The following GALNT13 variants were observed in gnomAD, a reference collection of about 807,000 sequenced individuals.
The protein encoded by GALNT13 is UDP-GalNAc:polypeptide N-acetylgalactosaminyltransferase 13.
A neutral mutation model predicts 64.2 loss-of-function variants in GALNT13; 28 were observed. That is an observed-to-expected ratio of 0.44 (90% CI 0.32 to 0.60). GALNT13 has a LOEUF of 0.60. Ranked by LOEUF, GALNT13 falls within the 20% of genes least tolerant of loss-of-function variation. GALNT13 has a pLI of 0.05. For missense variants in GALNT13, 577 were observed against 669.8 expected (o/e 0.86, Z 1.53); for synonymous variants, 214 against 224.6 (o/e 0.95, Z 0.42).
At chr2:153,933,939 A>G (rs1304077994) in intron 2 of GALNT13, among the ~76,000 whole-genome samples, 2 of 152,118 alleles carry the variant, frequency 1.3e-5, no homozygotes, top group African/African-American at 2.4e-5. Context: ...CTTTTGGCTT[A>G]TAAGGTTTCT....
chr2:154,437,722 G>C (rs760589836), intron 11 of GALNT13: 1 of 415,366 alleles, frequency 2.4e-6, no homozygotes. Flanking sequence ...CGGCATGGTG[G>C]CGCATGCCTG....
At chr2:153,422,378 C>A in the GALNT13 span, among the ~76,000 whole-genome samples, 1 of 152,088 alleles carries the variant, frequency 6.6e-6, no homozygotes, top group Non-Finnish European at 1.5e-5. Context: ...CAATAGCTAT[C>A]CCATCAGGGG....
At chr2:153,575,559 C>T in the GALNT13 span, among the ~76,000 whole-genome samples, 1 of 152,156 alleles carries the variant, frequency 6.6e-6, no homozygotes, top group East Asian at 1.9e-4. Context: ...TATTGTAGTG[C>T]AGCTGAGTTG....
chr2:153,482,314 A>G, the GALNT13 span, among the ~76,000 whole-genome samples: 1 of 152,230 alleles, frequency 6.6e-6, no homozygotes. Context: ...CAGAATGTTA[A>G]ACAGCATACA....
At chr2:153,848,744 A>G in the GALNT13 span, among the ~76,000 whole-genome samples, 1 of 152,028 alleles carries the variant, frequency 6.6e-6, no homozygotes, top group African/African-American at 2.4e-5. Flanking sequence ...AAATCTTAAT[A>G]TGGAGACAAG....
At chr2:153,202,545 A>G in the GALNT13 span, among the ~76,000 whole-genome samples, 2 of 152,182 alleles carry the variant, frequency 1.3e-5, no homozygotes, top group African/African-American at 2.4e-5. Context: ...CTTACTTCAC[A>G]TTTGAAACCT....
the GALNT13 span, among the ~76,000 whole-genome samples, chr2:153,773,964 G>A: frequency 6.6e-6 from 1 of 152,002 alleles, no homozygotes; most frequent in African/African-American, 2.4e-5. Context: ...CTATATTAAT[G>A]TACACTGATG....
At chr2:153,456,916 G>A in the GALNT13 span, among the ~76,000 whole-genome samples, 1 of 152,218 alleles carries the variant, frequency 6.6e-6, no homozygotes, top group Non-Finnish European at 1.5e-5. Flanking sequence ...CAAAGGATCA[G>A]TTGTAAGGCA....
chr2:153,669,136 G>A, the GALNT13 span, among the ~76,000 whole-genome samples: 110 of 152,254 alleles, frequency 7.2e-4, no homozygotes, highest in African/African-American at 1.3e-3. Context: ...ATGCCTGACC[G>A]TCAGAGAGCT....
At chr2:154,165,375 T>G (rs1434816610) in intron 4 of GALNT13, among the ~76,000 whole-genome samples, 1 of 152,140 alleles carries the variant, frequency 6.6e-6, no homozygotes, top group East Asian at 1.9e-4. Context: ...TTTTCTTGTT[T>G]TCTTCACACA....
chr2:154,153,012 T>C (rs559491548), intron 4 of GALNT13, among the ~76,000 whole-genome samples: 1 of 152,256 alleles, frequency 6.6e-6, no homozygotes, highest in Non-Finnish European at 1.5e-5. Context: ...GCGCTCTGCT[T>C]TTTAGAGTTT....
At chr2:154,388,145 A>G (rs1698604097) in intron 9 of GALNT13, among the ~76,000 whole-genome samples, 1 of 152,066 alleles carries the variant, frequency 6.6e-6, no homozygotes, top group South Asian at 2.1e-4. Context: ...TTGTGGCTTT[A>G]ATTTGCACTT....
the GALNT13 span, among the ~76,000 whole-genome samples, chr2:153,807,055 G>A: frequency 4.7e-4 from 71 of 152,090 alleles, no homozygotes; most frequent in Non-Finnish European, 7.8e-4. Flanking sequence ...CTTTATCTGC[G>A]TGTTGGTTAC....
the GALNT13 span, among the ~76,000 whole-genome samples, chr2:153,337,118 G>A: frequency 3.5e-4 from 53 of 152,162 alleles, no homozygotes; most frequent in African/African-American, 9.9e-4. Flanking sequence ...TATCAGCAGC[G>A]TGAAAAATGG....
the GALNT13 span, among the ~76,000 whole-genome samples, chr2:153,352,133 G>A: frequency 2.7e-3 from 408 of 152,138 alleles, 3 homozygotes; most frequent in African/African-American, 9.0e-3. Flanking sequence ...TTGTATTAGC[G>A]TTCTGCATTA....
the GALNT13 span, among the ~76,000 whole-genome samples, chr2:153,751,000 T>C: frequency 2.0e-5 from 3 of 151,998 alleles, no homozygotes; most frequent in East Asian, 5.8e-4. Flanking sequence ...GGTTTTGGTA[T>C]GTTTTGTTTC....
chr2:153,463,508 T>C, the GALNT13 span, among the ~76,000 whole-genome samples: 2 of 152,080 alleles, frequency 1.3e-5, no homozygotes, highest in African/African-American at 4.8e-5. Context: ...ACAAAGTCAC[T>C]AAGTGAGCCT....
intron 4 of GALNT13, among the ~76,000 whole-genome samples, chr2:154,176,929 A>G (rs1685685072): frequency 6.6e-6 from 1 of 152,202 alleles, no homozygotes; most frequent in Admixed American, 6.5e-5. Context: ...ATTGTGGGCC[A>G]GGGAGCAGCA....
At chr2:153,695,028 T>G in the GALNT13 span, among the ~76,000 whole-genome samples, 2 of 152,162 alleles carry the variant, frequency 1.3e-5, no homozygotes, top group Non-Finnish European at 2.9e-5. Flanking sequence ...GTACATGGAA[T>G]GAAGTCCAAA....
Sources: allele counts gnomAD v4.1 joint callset (sites outside exome capture counted in the v4.1 genomes callset), GRCh38; gene constraint gnomAD v4.1.1; transcripts MANE v1.5; gene names NCBI Gene and HGNC (gene_info 2026-07-23, HGNC 2026-07-21).